Variants in SLC25A21 observed in about 807,000 individuals in gnomAD.
SLC25A21 encodes solute carrier family 25 member 21.
Under a neutral mutation model 43.8 loss-of-function variants are expected in SLC25A21, and 47 were observed. That is an observed-to-expected ratio of 1.07 (90% CI 0.85 to 1.37). The LOEUF is 1.37. Ranked by LOEUF, SLC25A21 falls within the 40% of genes most tolerant of loss-of-function variation. SLC25A21 has a pLI of 0.00. For missense variants in SLC25A21, 352 were observed against 350.2 expected, an observed-to-expected ratio of 1.00 and a Z score of -0.04; for synonymous variants, 131 against 121.3, an observed-to-expected ratio of 1.08 and a Z score of -0.52.
In SLC25A21 at chr14:37,080,809, A is replaced by C. The variant is rs138850815; in HGVS notation, c.70+91472T>G. On this transcript the variant is annotated intron_variant, in intron 1 of 9. Transcript: ENST00000331299. The stretch of plus-strand genomic sequence containing the variant: ...ATAGAATTAAGATTCAGCATGCTCC[A>C]TAATCAAGATATCTCATAGAATTTA... Among the ~76,000 whole-genome samples the C allele has an allele frequency of 4.2e-3, 637 of 152,314 alleles. 6 individuals carry two copies. Among genetic ancestry groups the C allele is most frequent in the African/African-American group, 0.015 (613 of 41,562 alleles).
intron 1 of SLC25A21, among the ~76,000 whole-genome samples, chr14:37,138,357 G>A (rs752241161): frequency 2.0e-5 from 3 of 152,078 alleles, no homozygotes; most frequent in Non-Finnish European, 4.4e-5. Context: ...ATAAGATATG[G>A]CCTTTATGCC....
At chr14:36,909,272 A>C (rs1224812862) in intron 1 of SLC25A21, among the ~76,000 whole-genome samples, 1 of 152,166 alleles carries the variant, frequency 6.6e-6, no homozygotes, top group East Asian at 1.9e-4. Flanking sequence ...CCTTGCACAT[A>C]CAATGGCCAC....
At chr14:37,171,680 G>T (rs961821100) in intron 1 of SLC25A21, among the ~76,000 whole-genome samples, 2 of 152,108 alleles carry the variant, frequency 1.3e-5, no homozygotes, top group East Asian at 3.9e-4. Flanking sequence ...TTTTCTAAAG[G>T]TTTATTTTTT....
intron 6 of SLC25A21, among the ~76,000 whole-genome samples, chr14:36,713,959 C>A (rs1884003956): frequency 6.6e-6 from 1 of 151,942 alleles, no homozygotes; most frequent in African/African-American, 2.4e-5. Context: ...CCTGTCACTG[C>A]ATAGTGACAG....
chr14:37,147,333 C>T (rs2138928680), intron 1 of SLC25A21, among the ~76,000 whole-genome samples: 1 of 152,268 alleles, frequency 6.6e-6, no homozygotes, highest in Non-Finnish European at 1.5e-5. Context: ...AAAGAAATGT[C>T]AAAAATTCAA....
At chr14:36,756,345 G>T (rs1017083278) in intron 3 of SLC25A21, among the ~76,000 whole-genome samples, 3 of 152,198 alleles carry the variant, frequency 2.0e-5, no homozygotes, top group Non-Finnish European at 4.4e-5. Flanking sequence ...GGCTATGTAC[G>T]CGGCTTCACA....
chr14:36,964,296 G>T (rs1231338712), intron 1 of SLC25A21, among the ~76,000 whole-genome samples: 2 of 152,118 alleles, frequency 1.3e-5, no homozygotes, highest in Admixed American at 1.3e-4. Context: ...TATTTCATTT[G>T]CTCAGCAAAC....
At chr14:36,796,348 A>AATTTATTTATTT (rs555283170) in intron 3 of SLC25A21, among the ~76,000 whole-genome samples, 204 of 151,376 alleles carry the variant, frequency 1.3e-3, no homozygotes, top group African/African-American at 4.5e-3. Context: ...ACAGTATGGT[A>AATTTATTTATTT]ATTTATTTAT....
At chr14:36,935,574 G>A (rs544721911) in intron 1 of SLC25A21, among the ~76,000 whole-genome samples, 73 of 152,278 alleles carry the variant, frequency 4.8e-4, no homozygotes, top group African/African-American at 1.6e-3. Context: ...ATGATCTCCT[G>A]ATTGGCACTG....
Position 37,014,505 on chromosome 14 carries a change from C to T in SLC25A21, c.71-139501G>A, listed in dbSNP as rs540369931. ...AGCAATTCACCCTCCACTTCTAATTCTCGTTCTCTTGCTATTTCTACCAAA... is the reference window on the plus strand; with the variant it reads ...AGCAATTCACCCTCCACTTCTAATTTTCGTTCTCTTGCTATTTCTACCAAA... On this transcript the variant is annotated intron_variant, in intron 1 of 9. Transcript: ENST00000331299. Among the ~76,000 whole-genome samples the T allele has an allele frequency of 3.3e-5, 5 of 152,220 alleles. No homozygotes were observed. The South Asian group carries it at 8.3e-4, about 25-fold the overall frequency.
intron 1 of SLC25A21, among the ~76,000 whole-genome samples, chr14:36,892,584 C>T (rs1185274): frequency 3.3e-5 from 5 of 151,722 alleles, no homozygotes; most frequent in Admixed American, 1.3e-4. Context: ...TTTTAGGGTA[C>T]GTGTGCACAA....
chr14:36,838,288 C>T (rs1174757803), intron 2 of SLC25A21, among the ~76,000 whole-genome samples: 1 of 152,164 alleles, frequency 6.6e-6, no homozygotes, highest in Middle Eastern at 3.2e-3. Context: ...CTGCCTTCGT[C>T]TGGAAGAGTG....
chr14:37,056,504 A>C (rs1961833130), intron 1 of SLC25A21, among the ~76,000 whole-genome samples: 1 of 151,836 alleles, frequency 6.6e-6, no homozygotes, highest in Non-Finnish European at 1.5e-5. Context: ...AAAAAAAAAA[A>C]ATTACCTAGT....
At chr14:36,755,056 C>A (rs986127008) in intron 3 of SLC25A21, among the ~76,000 whole-genome samples, 3 of 152,126 alleles carry the variant, frequency 2.0e-5, no homozygotes, top group Non-Finnish European at 4.4e-5. Context: ...CACAAACAAT[C>A]TACAATTCTA....
chr14:36,701,650 T>C (rs938038199), intron 7 of SLC25A21, among the ~76,000 whole-genome samples: 5 of 152,186 alleles, frequency 3.3e-5, no homozygotes, highest in Non-Finnish European at 5.9e-5. Context: ...GATTATATCA[T>C]CTCCTGTATA....
At chr14:36,914,250 G>A (rs1041779322) in intron 1 of SLC25A21, among the ~76,000 whole-genome samples, 8 of 152,078 alleles carry the variant, frequency 5.3e-5, no homozygotes, top group Non-Finnish European at 1.0e-4. Flanking sequence ...TAAATGATTC[G>A]TCAGTGCTTT....
At chr14:36,767,924 T>C (rs848108) in intron 3 of SLC25A21, among the ~76,000 whole-genome samples, 24,357 of 152,174 alleles carry the variant, frequency 0.16, 2,218 homozygotes, top group Middle Eastern at 0.25. Context: ...TTTAACCCTT[T>C]TTGACTGGAC....
chr14:36,699,040 C>G (rs966031988), intron 7 of SLC25A21, among the ~76,000 whole-genome samples: 12 of 151,520 alleles, frequency 7.9e-5, no homozygotes, highest in Non-Finnish European at 1.2e-4. Context: ...GATCTGGTTT[C>G]TCCCCATCTT....
In SLC25A21 at chr14:36,679,547, G is replaced by GGAGA; in HGVS notation, c.*1107_*1110dup. The GGAGA allele has an allele frequency of 1.0e-6, 1 of 985,358 alleles. No homozygotes were observed. The highest frequency in any genetic ancestry group is 1.2e-6 in the Non-Finnish European group (1 of 829,864). 61.0% of individuals were successfully genotyped at this position (985,358 alleles called of 1,614,324 possible). A position where few individuals can be genotyped will look rare whatever the true frequency, so the allele number is the denominator to read the frequency against. ...TCAAGTTTGGTTACATCAAGACCAA[G>GGAGA]GAGATATTTTTGTTGATACATGTTA... On this transcript the variant is annotated 3_prime_UTR_variant, in exon 10 of 10. Transcript: ENST00000331299.
Sources: gnomAD v4.1 joint callset for allele counts (sites outside exome capture counted in the v4.1 genomes callset) on GRCh38, gnomAD v4.1.1 for gene constraint, MANE v1.5 for transcripts, NCBI Gene and HGNC (gene_info 2026-07-23, HGNC 2026-07-21) for gene names.